The following TENT4B variants were observed in gnomAD, a reference collection of about 807,000 sequenced individuals.
TENT4B encodes PAP associated domain containing 5.
TENT4B carries 10 observed loss-of-function variants against 75.0 expected under a neutral mutation model. The observed-to-expected ratio is 0.13, with a 90% confidence interval of 0.08 to 0.23. TENT4B has a LOEUF of 0.23. Ranked by LOEUF, TENT4B falls within the 10% of genes least tolerant of loss-of-function variation. The pLI, the probability that TENT4B is intolerant of heterozygous loss-of-function variation, is 1.00. For missense variants in TENT4B, 579 were observed against 893.8 expected (o/e 0.65, Z 4.49); for synonymous variants, 350 against 357.7 (o/e 0.98, Z 0.24).
intron 3 of TENT4B, among the ~76,000 whole-genome samples, chr16:50,215,665 A>G (rs556996762): frequency 6.6e-6 from 1 of 152,338 alleles, no homozygotes; most frequent in African/African-American, 2.4e-5. Context: ...CACAAATGGT[A>G]GCATGCTGGA....
At chr16:50,162,285 T>C (rs916935731) in intron 1 of TENT4B, among the ~76,000 whole-genome samples, 2 of 152,226 alleles carry the variant, frequency 1.3e-5, no homozygotes. Flanking sequence ...TATATAAATA[T>C]TTTTATGTGA....
At chr16:50,167,382 TG>T (rs1447171741) in intron 1 of TENT4B, among the ~76,000 whole-genome samples, 1 of 147,160 alleles carries the variant, frequency 6.8e-6, no homozygotes, top group Admixed American at 6.6e-5. Context: ...TCGCATGCTG[TG>T]GGTTTTTTTT....
Position 50,229,472 on chromosome 16 carries a change from A to G in TENT4B, c.*144A>G. 7.8e-7 allele frequency: 1 copy of G among 1,285,698 alleles called. No individual in the cohort carries two copies. Among genetic ancestry groups the G allele is most frequent in the Non-Finnish European group, 9.8e-7 (1 of 1,018,316 alleles). The allele number at this position is 1,285,698 out of a possible 1,614,324, so 79.6% of individuals were successfully genotyped here. On this transcript the variant is annotated 3_prime_UTR_variant, in exon 12 of 12. Transcript: ENST00000561678. ...TGCGTTTTTTCCCAGCTCGCCACAG[A>G]ATGGATCATGAAGACTGACAACTGC...
At chr16:50,218,525 TG>T (rs1262707566) in intron 5 of TENT4B, among the ~76,000 whole-genome samples, 13 of 152,152 alleles carry the variant, frequency 8.5e-5, no homozygotes, top group Admixed American at 7.2e-4. Flanking sequence ...GGCTAATTTT[TG>T]TATTTTTATT....
chr16:50,224,236 C>G (rs1472045214), intron 7 of TENT4B, among the ~76,000 whole-genome samples: 1 of 152,040 alleles, frequency 6.6e-6, no homozygotes, highest in African/African-American at 2.4e-5. Flanking sequence ...CCAAAGGACA[C>G]GAAGACTTTT....
intron 1 of TENT4B, among the ~76,000 whole-genome samples, chr16:50,165,536 A>G (rs1022099663): frequency 3.9e-5 from 6 of 152,088 alleles, no homozygotes; most frequent in African/African-American, 4.8e-5. Flanking sequence ...ATTCCAGAAC[A>G]TTTTCATCAC....
In TENT4B at chr16:50,233,249, C is replaced by T. The variant is rs971782222; in HGVS notation, c.*3921C>T. ...GAACAAAGATTTATATATGAAATTC[C>T]TTAAAAGAGTTCATCTTGCCTTGGT... On this transcript the variant is annotated 3_prime_UTR_variant, in exon 12 of 12. Transcript: ENST00000561678. 1.9e-5 allele frequency: 19 copies of T among 985,248 alleles called. No homozygotes were observed. In the East Asian group the frequency reaches 1.9e-3, roughly 100 times the overall value. 61.0% of individuals were successfully genotyped at this position (985,248 alleles called of 1,614,324 possible). A position where few individuals can be genotyped will look rare whatever the true frequency, so the allele number is the denominator to read the frequency against.
intron 1 of TENT4B, among the ~76,000 whole-genome samples, chr16:50,155,118 A>T (rs551331444): frequency 1.3e-5 from 2 of 152,208 alleles, no homozygotes; most frequent in Non-Finnish European, 2.9e-5. Flanking sequence ...TTTAAAGTTC[A>T]GCTCTTAGAA....
chr16:50,154,169 G>T lies in TENT4B; in HGVS notation c.548G>T (p.Arg183Leu). The T allele has an allele frequency of 6.6e-7, 1 of 1,512,442 alleles. No homozygotes were observed. The highest frequency in any genetic ancestry group is 8.8e-7 in the Non-Finnish European group (1 of 1,137,676). 93.7% of individuals were successfully genotyped at this position (1,512,442 alleles called of 1,614,324 possible). A position where few individuals can be genotyped will look rare whatever the true frequency, so the allele number is the denominator to read the frequency against. ...AGCCTGCTGCAGCCCAGCGGAGGGCGGGCCGCGGGGGGCGGCCGAGCAGAC... is the reference window on the plus strand; with the variant it reads ...AGCCTGCTGCAGCCCAGCGGAGGGCTGGCCGCGGGGGGCGGCCGAGCAGAC... ...NYSLLQPSGG[R>L]AAGGGRADGG... is the part of the protein sequence containing the mutation. Residue 183 changes from arginine (R) to leucine (L), a missense_variant, in exon 1 of 12, where the codon CGG becomes CTG. Physicochemically the swap from Arg to Leu is moderately radical, Grantham distance 102. Transcript: ENST00000561678.
At chr16:50,203,117 G>A (rs1489413919) in intron 1 of TENT4B, among the ~76,000 whole-genome samples, 1 of 152,154 alleles carries the variant, frequency 6.6e-6, no homozygotes, top group Admixed American at 6.5e-5. Context: ...TAGCAAATAT[G>A]GCATTCCTTA....
chr16:50,179,230 C>T (rs899467594), intron 1 of TENT4B, among the ~76,000 whole-genome samples: 11 of 152,128 alleles, frequency 7.2e-5, no homozygotes, highest in South Asian at 4.2e-4. Flanking sequence ...GGTGTGGTGG[C>T]GCATGCCTGT....
At chr16:50,175,988 G>T (rs1567484475) in intron 1 of TENT4B, among the ~76,000 whole-genome samples, 2 of 151,958 alleles carry the variant, frequency 1.3e-5, no homozygotes, top group African/African-American at 2.4e-5. Context: ...TTACCATGTT[G>T]CCCAGGCTGG....
At chr16:50,188,401 A>G (rs947773774) in intron 1 of TENT4B, among the ~76,000 whole-genome samples, 1 of 152,200 alleles carries the variant, frequency 6.6e-6, no homozygotes, top group Non-Finnish European at 1.5e-5. Context: ...TTGTTAGTAC[A>G]AATTAGTTAA....
chr16:50,157,905 A>G (rs1357121886), intron 1 of TENT4B, among the ~76,000 whole-genome samples: 1 of 152,066 alleles, frequency 6.6e-6, no homozygotes, highest in Non-Finnish European at 1.5e-5. Flanking sequence ...AGTTGGGACT[A>G]CAGGCGAGTG....
chr16:50,170,555 C>T (rs1366297338), intron 1 of TENT4B, among the ~76,000 whole-genome samples: 3 of 152,208 alleles, frequency 2.0e-5, no homozygotes, highest in African/African-American at 7.2e-5. Context: ...TAAGGGAAGG[C>T]TCCAGAAGAT....
intron 1 of TENT4B, among the ~76,000 whole-genome samples, chr16:50,211,075 G>A (rs1467356768): frequency 1.3e-5 from 2 of 152,124 alleles, no homozygotes; most frequent in South Asian, 4.1e-4. Context: ...CCGTATGCTT[G>A]TTTTATTTTA....
chr16:50,165,191 TA>T (rs1486619342), intron 1 of TENT4B, among the ~76,000 whole-genome samples: 3 of 152,124 alleles, frequency 2.0e-5, no homozygotes, highest in African/African-American at 7.2e-5. Context: ...TCCATTTATT[TA>T]TTTTTTTTCT....
chr16:50,216,632 C>G (rs1209889865), intron 4 of TENT4B, among the ~76,000 whole-genome samples: 1 of 152,042 alleles, frequency 6.6e-6, no homozygotes, highest in Non-Finnish European at 1.5e-5. Context: ...TTCACAGCAG[C>G]AAAATATGCA....
At chr16:50,202,785 A>G (rs1339301952) in intron 1 of TENT4B, among the ~76,000 whole-genome samples, 1 of 152,176 alleles carries the variant, frequency 6.6e-6, no homozygotes, top group African/African-American at 2.4e-5. Flanking sequence ...TGAAAGTAGT[A>G]GTAAGGCTGG....
Sources: gnomAD v4.1 joint callset for allele counts (sites outside exome capture counted in the v4.1 genomes callset) on GRCh38, gnomAD v4.1.1 for gene constraint, MANE v1.5 for transcripts, NCBI Gene and HGNC (gene_info 2026-07-23, HGNC 2026-07-21) for gene names.